The following SLC24A2 variants were observed in gnomAD, a reference collection of about 807,000 sequenced individuals.
The protein encoded by SLC24A2 is solute carrier family 24 member 2.
In SLC24A2, 36 loss-of-function variants were observed where a neutral mutation model predicts 62.0. The observed-to-expected ratio is 0.58, with a 90% confidence interval of 0.44 to 0.77. The LOEUF is 0.77. Ranked by LOEUF, SLC24A2 falls within the 30% of genes least tolerant of loss-of-function variation. SLC24A2 has a pLI of 0.00. For missense variants in SLC24A2, 846 were observed against 817.9 expected (o/e 1.03, Z -0.42); for synonymous variants, 358 against 294.0 (o/e 1.22, Z -2.23).
rs575532401 is a variant in SLC24A2 at position 19,686,652 on chromosome 9, TCTC to T, written c.931-64356_931-64354del. 5.3e-5 allele frequency among the ~76,000 whole-genome samples: 8 copies of T among 152,208 alleles called. No homozygotes were observed. In the East Asian group the frequency reaches 1.6e-3, roughly 30 times the overall value. ...GGCTTTCTTCCCTTTGCTCAGCACT[TCTC>T]CTTCCTGCCGTCATGTGAAGAAGGA... On this transcript the variant is annotated intron_variant, in intron 2 of 10. Coordinates refer to ENST00000341998, the MANE Select transcript of SLC24A2 (RefSeq NM_020344.4).
At chr9:19,714,633 T>A (rs75680483) in intron 2 of SLC24A2, among the ~76,000 whole-genome samples, 4,589 of 152,028 alleles carry the variant, frequency 0.03, 230 homozygotes, top group African/African-American at 0.1. Flanking sequence ...TATTAAAAAA[T>A]TTTTTTTGCG....
the SLC24A2 span, among the ~76,000 whole-genome samples, chr9:20,306,887 G>A: frequency 1.1e-4 from 17 of 151,898 alleles, no homozygotes; most frequent in South Asian, 2.1e-4. Context: ...TAGTAGAGAC[G>A]GGGTTTCACC....
At chr9:19,936,359 G>C in the SLC24A2 span, among the ~76,000 whole-genome samples, 2 of 152,144 alleles carry the variant, frequency 1.3e-5, no homozygotes, top group African/African-American at 4.8e-5. Flanking sequence ...CTGCAGCCTT[G>C]ACCTCCCAGG....
intron 2 of SLC24A2, among the ~76,000 whole-genome samples, chr9:19,732,759 G>A (rs1173005142): frequency 6.6e-6 from 1 of 152,276 alleles, no homozygotes; most frequent in East Asian, 1.9e-4. Context: ...CCATGAAACA[G>A]AGACACTGGC....
At chr9:20,167,687 G>A in the SLC24A2 span, among the ~76,000 whole-genome samples, 1 of 151,960 alleles carries the variant, frequency 6.6e-6, no homozygotes, top group African/African-American at 2.4e-5. Context: ...CAATAAGTAT[G>A]TGTAAGAAAT....
the SLC24A2 span, among the ~76,000 whole-genome samples, chr9:19,906,707 CA>C: frequency 2.0e-5 from 3 of 152,210 alleles, no homozygotes; most frequent in East Asian, 3.9e-4. Context: ...CACCTCTATG[CA>C]AAAAAACTAG....
At chr9:19,751,066 C>T (rs562968784) in intron 2 of SLC24A2, among the ~76,000 whole-genome samples, 5 of 152,262 alleles carry the variant, frequency 3.3e-5, no homozygotes, top group South Asian at 2.1e-4. Flanking sequence ...TGACTGTGTT[C>T]GGTAACATGT....
the SLC24A2 span, among the ~76,000 whole-genome samples, chr9:20,305,456 C>T: frequency 6.6e-6 from 1 of 151,970 alleles, no homozygotes; most frequent in East Asian, 1.9e-4. Flanking sequence ...GACTACCTAT[C>T]TGTTAAAGGC....
the SLC24A2 span, among the ~76,000 whole-genome samples, chr9:20,252,387 C>T: frequency 6.6e-6 from 1 of 152,196 alleles, no homozygotes; most frequent in Non-Finnish European, 1.5e-5. Context: ...AGAAAAGGAA[C>T]CAGCTGAGCA....
chr9:20,153,593 C>T, the SLC24A2 span, among the ~76,000 whole-genome samples: 53 of 151,878 alleles, frequency 3.5e-4, no homozygotes, highest in South Asian at 1.5e-3. Context: ...AGATAATAAA[C>T]AATCAAAATT....
At chr9:19,703,840 A>G (rs912246080) in intron 2 of SLC24A2, among the ~76,000 whole-genome samples, 2 of 152,228 alleles carry the variant, frequency 1.3e-5, no homozygotes, top group African/African-American at 2.4e-5. Context: ...AGCACATAAG[A>G]ATGAATCACT....
At chr9:19,974,864 G>A in the SLC24A2 span, among the ~76,000 whole-genome samples, 1 of 152,172 alleles carries the variant, frequency 6.6e-6, no homozygotes, top group Admixed American at 6.5e-5. Context: ...TTATTTCGTA[G>A]GATGCTTTTG....
chr9:19,911,594 ATCT>A, the SLC24A2 span, among the ~76,000 whole-genome samples: 1 of 152,102 alleles, frequency 6.6e-6, no homozygotes, highest in Non-Finnish European at 1.5e-5. Context: ...CTGAGCCTTG[ATCT>A]TCTTCCATGA....
At chr9:19,888,513 AG>A in the SLC24A2 span, among the ~76,000 whole-genome samples, 1 of 152,290 alleles carries the variant, frequency 6.6e-6, no homozygotes. Flanking sequence ...ATTAAATCTT[AG>A]TGGCACATTA....
intron 2 of SLC24A2, among the ~76,000 whole-genome samples, chr9:19,698,031 A>G (rs1820243720): frequency 6.6e-6 from 1 of 152,196 alleles, no homozygotes. Context: ...ATGAAATTAA[A>G]TTTCCCTGGC....
the SLC24A2 span, among the ~76,000 whole-genome samples, chr9:20,288,425 G>A: frequency 4.6e-5 from 7 of 152,068 alleles, no homozygotes; most frequent in Non-Finnish European, 8.8e-5. Flanking sequence ...GGGTGCGGGA[G>A]GTGGGGTAGT....
At chr9:20,014,180 C>T in the SLC24A2 span, among the ~76,000 whole-genome samples, 2 of 152,012 alleles carry the variant, frequency 1.3e-5, no homozygotes, top group Admixed American at 6.6e-5. Context: ...TGCATGCCAG[C>T]CTGGGTGACA....
chr9:20,002,140 G>A, the SLC24A2 span, among the ~76,000 whole-genome samples: 1 of 152,102 alleles, frequency 6.6e-6, no homozygotes, highest in African/African-American at 2.4e-5. Context: ...CTCTGGTGCA[G>A]AGACAAGCAT....
intron 7 of SLC24A2, among the ~76,000 whole-genome samples, chr9:19,571,739 C>A (rs374304954): frequency 1.6e-4 from 25 of 152,174 alleles, no homozygotes; most frequent in African/African-American, 6.0e-4. Context: ...AATTAACATG[C>A]AAGTTTGGGG....
Sources: allele counts gnomAD v4.1 joint callset (sites outside exome capture counted in the v4.1 genomes callset), GRCh38; gene constraint gnomAD v4.1.1; transcripts MANE v1.5; gene names NCBI Gene and HGNC (gene_info 2026-07-23, HGNC 2026-07-21).